The following MMP16 variants were observed in gnomAD, a reference collection of about 807,000 sequenced individuals.
The protein encoded by MMP16 is matrix metalloproteinase-16.
MMP16 carries 12 observed loss-of-function variants against 67.8 expected under a neutral mutation model. The ratio of observed to expected loss-of-function variants is 0.18; its 90% CI spans 0.11 to 0.29. The LOEUF (loss-of-function observed/expected upper bound fraction) is 0.29, where lower values mean the gene tolerates loss of function less well. Among genes scored for constraint, MMP16 ranks in the 10% least tolerant of loss-of-function variants. The probability of loss-of-function intolerance (pLI) is 1.00; values close to 1 mark genes in which losing one functional copy is unlikely to be tolerated. For synonymous variants in MMP16, 249 were observed against 255.9 expected (o/e 0.97, Z 0.26); for missense variants, 475 against 765.7 (o/e 0.62, Z 4.48).
chr8:88,077,741 A>G (rs910633816), intron 6 of MMP16, among the ~76,000 whole-genome samples: 1 of 152,272 alleles, frequency 6.6e-6, no homozygotes, highest in African/African-American at 2.4e-5. Flanking sequence ...ATTACATCTC[A>G]GTTTTTTTCC....
chr8:88,046,589 C>T (rs1808202148), intron 9 of MMP16, 80 bp downstream of exon 9: 2 of 844,674 alleles, frequency 2.4e-6, no homozygotes, highest in Admixed American at 2.8e-5. Context: ...TTTCCAATGG[C>T]TTAATTTAGC....
At chr8:88,296,705 A>G (rs555796787) in intron 1 of MMP16, among the ~76,000 whole-genome samples, 449 of 151,814 alleles carry the variant, frequency 3.0e-3, no homozygotes, top group South Asian at 0.016. Flanking sequence ...GACAGGTATG[A>G]CAGGGATGAC....
At chr8:88,229,633 A>G (rs571817618) in intron 1 of MMP16, among the ~76,000 whole-genome samples, 2 of 152,226 alleles carry the variant, frequency 1.3e-5, no homozygotes, top group South Asian at 2.1e-4. Flanking sequence ...CATTAGATTT[A>G]AAAATCCAGA....
chr8:88,203,014 A>C (rs1323201307), intron 1 of MMP16, among the ~76,000 whole-genome samples: 1 of 152,130 alleles, frequency 6.6e-6, no homozygotes, highest in Non-Finnish European at 1.5e-5. Context: ...TGACACCAAA[A>C]ATACAAAAAA....
At chr8:88,088,566 T>C (rs1308012274) in intron 6 of MMP16, among the ~76,000 whole-genome samples, 1 of 152,030 alleles carries the variant, frequency 6.6e-6, no homozygotes, top group Non-Finnish European at 1.5e-5. Context: ...CTAAGTGACT[T>C]TGTTTTGGAG....
At chr8:88,195,314 T>A (rs1702898704) in intron 2 of MMP16, among the ~76,000 whole-genome samples, 1 of 152,190 alleles carries the variant, frequency 6.6e-6, no homozygotes, top group Non-Finnish European at 1.5e-5. Flanking sequence ...TAGTAATAAG[T>A]ATTACATACT....
intron 4 of MMP16, among the ~76,000 whole-genome samples, chr8:88,131,135 T>C (rs1808021592): frequency 6.6e-6 from 1 of 151,676 alleles, no homozygotes; most frequent in Non-Finnish European, 1.5e-5. Flanking sequence ...TCACCCCAGA[T>C]AGCGCTTTTA....
intron 1 of MMP16, among the ~76,000 whole-genome samples, chr8:88,290,227 A>G (rs1470737438): frequency 6.6e-6 from 1 of 152,160 alleles, no homozygotes; most frequent in East Asian, 1.9e-4. Context: ...ACGCAGAGAT[A>G]AAAGTTGCTA....
At chr8:88,245,399 ACAGG>A (rs1810098667) in intron 1 of MMP16, among the ~76,000 whole-genome samples, 1 of 152,212 alleles carries the variant, frequency 6.6e-6, no homozygotes, top group Admixed American at 6.5e-5. Context: ...GCACTCTCTG[ACAGG>A]CATGGAAATC....
intron 4 of MMP16, among the ~76,000 whole-genome samples, chr8:88,138,476 G>A (rs1025763126): frequency 2.0e-5 from 3 of 152,016 alleles, no homozygotes; most frequent in Non-Finnish European, 2.9e-5. Context: ...TGCAGGCTAT[G>A]AGTTTGGTAA....
chr8:88,186,722 C>T, intron 2 of MMP16, 124 bp from the exon 3 acceptor site: 1 of 1,303,564 alleles, frequency 7.7e-7, no homozygotes, highest in Non-Finnish European at 1.0e-6. Context: ...ATGAAAATGG[C>T]AAAATATAAA....
At chr8:88,151,381 A>AT (rs1808403806) in intron 4 of MMP16, among the ~76,000 whole-genome samples, 5 of 149,582 alleles carry the variant, frequency 3.3e-5, no homozygotes, top group Non-Finnish European at 7.5e-5. Context: ...CATCTACAGA[A>AT]CTCTCCACCC....
At chr8:88,111,359 C>T (rs2616515) in intron 6 of MMP16, among the ~76,000 whole-genome samples, 151,056 of 151,776 alleles carry the variant, frequency 1, 75,175 homozygotes, top group Middle Eastern at 1. Context: ...GAAATAAAGA[C>T]TGATGAAAGC....
chr8:88,062,098 T>G (rs549098078), intron 7 of MMP16, among the ~76,000 whole-genome samples: 1 of 152,172 alleles, frequency 6.6e-6, no homozygotes, highest in South Asian at 2.1e-4. Context: ...TAATTATGAG[T>G]GATAACATTT....
At chr8:88,315,509 C>T (rs10504846) in intron 1 of MMP16, among the ~76,000 whole-genome samples, 15,400 of 152,162 alleles carry the variant, frequency 0.1, 933 homozygotes, top group South Asian at 0.17. Flanking sequence ...ATTCCCAAAC[C>T]TCACTCTATG....
chr8:88,202,404 A>C (rs566158521), intron 1 of MMP16, among the ~76,000 whole-genome samples: 1 of 152,316 alleles, frequency 6.6e-6, no homozygotes, highest in South Asian at 2.1e-4. Flanking sequence ...TCCAATCTGC[A>C]TAAAGTGAGT....
intron 4 of MMP16, among the ~76,000 whole-genome samples, chr8:88,167,166 T>G (rs887530137): frequency 2.6e-5 from 4 of 152,024 alleles, no homozygotes; most frequent in Non-Finnish European, 5.9e-5. Context: ...GAGCTGAAAT[T>G]GTGCCATTGC....
At chr8:88,153,441 C>T (rs924788289) in intron 4 of MMP16, among the ~76,000 whole-genome samples, 1 of 152,218 alleles carries the variant, frequency 6.6e-6, no homozygotes, top group African/African-American at 2.4e-5. Flanking sequence ...AAGCTGGAGG[C>T]ATCACACTAC....
chr8:88,297,627 C>A (rs538183037), intron 1 of MMP16, among the ~76,000 whole-genome samples: 1 of 152,168 alleles, frequency 6.6e-6, no homozygotes, highest in African/African-American at 2.4e-5. Flanking sequence ...CCAGACTCTA[C>A]CCAGCTAATA....
Sources: gnomAD v4.1 joint callset for allele counts (sites outside exome capture counted in the v4.1 genomes callset) on GRCh38, gnomAD v4.1.1 for gene constraint, MANE v1.5 for transcripts, NCBI Gene and HGNC (gene_info 2026-07-23, HGNC 2026-07-21) for gene names.